The following PRKCB variants were observed in gnomAD, a reference collection of about 807,000 sequenced individuals.
PRKCB encodes the protein protein kinase C beta type.
Under a neutral mutation model 81.5 loss-of-function variants are expected in PRKCB, and 13 were observed. The ratio of observed to expected loss-of-function variants is 0.16; its 90% CI spans 0.10 to 0.25. The LOEUF is 0.25. Among genes scored for constraint, PRKCB ranks in the 10% least tolerant of loss-of-function variants. PRKCB has a pLI of 1.00. For synonymous variants in PRKCB, 335 were observed against 321.4 expected (o/e 1.04, Z -0.45); for missense variants, 509 against 875.7 (o/e 0.58, Z 5.29).
At chr16:24,179,313 A>G (rs1967582970) in intron 12 of PRKCB, among the ~76,000 whole-genome samples, 1 of 152,212 alleles carries the variant, frequency 6.6e-6, no homozygotes, top group South Asian at 2.1e-4. Flanking sequence ...GAAGAATTGA[A>G]GGAGGGTGGT....
At chr16:23,945,783 A>G (rs2141772703) in intron 2 of PRKCB, among the ~76,000 whole-genome samples, 1 of 152,274 alleles carries the variant, frequency 6.6e-6, no homozygotes, top group Non-Finnish European at 1.5e-5. Context: ...AAAACAAACA[A>G]TGAACAACCC....
intron 5 of PRKCB, among the ~76,000 whole-genome samples, chr16:24,037,913 C>G (rs1396729093): frequency 2.0e-5 from 3 of 151,542 alleles, no homozygotes. Flanking sequence ...ATAGGCCAGG[C>G]ACAGTGGCTC....
In PRKCB at chr16:23,871,203, A is replaced by G. The variant is rs972606558; in HGVS notation, c.205+33797A>G. 2.9e-4 allele frequency among the ~76,000 whole-genome samples: 44 copies of G among 152,194 alleles called. 1 individual carries two copies. Among genetic ancestry groups the G allele is most frequent in the Admixed American group, 2.0e-4 (3 of 15,280 alleles). Reference sequence around the variant, plus strand: ...TCTCTTATGGAGAGAGTCACATAGCAAGGGTGTGGCTCTAGGGAGGAATGA... The same window carrying G: ...TCTCTTATGGAGAGAGTCACATAGCGAGGGTGTGGCTCTAGGGAGGAATGA... On this transcript the variant is annotated intron_variant, in intron 2 of 16. Coordinates refer to ENST00000643927, the MANE Select transcript of PRKCB (RefSeq NM_002738.7).
chr16:23,969,430 G>T (rs1023408239), intron 2 of PRKCB, among the ~76,000 whole-genome samples: 1 of 152,086 alleles, frequency 6.6e-6, no homozygotes. Context: ...TGAGACTCAC[G>T]CATGCATGTG....
At chr16:24,038,211 C>A (rs556518516) in intron 5 of PRKCB, among the ~76,000 whole-genome samples, 1 of 151,554 alleles carries the variant, frequency 6.6e-6, no homozygotes, top group East Asian at 2.0e-4. Context: ...AACAAACAAA[C>A]AAAAAAGGCC....
intron 2 of PRKCB, among the ~76,000 whole-genome samples, chr16:23,907,281 A>G (rs1963575315): frequency 6.6e-6 from 1 of 152,188 alleles, no homozygotes; most frequent in African/African-American, 2.4e-5. Context: ...CAGACCTCCC[A>G]TCCATTTCTT....
rs113354788 is a variant in PRKCB at position 24,219,093 on chromosome 16, C to G, written c.*4277C>G. 4 of 985,338 alleles carry G rather than the reference C, an allele frequency of 4.1e-6. No individual in the cohort carries two copies. Among genetic ancestry groups the G allele is most frequent in the South Asian group, 9.4e-5 (2 of 21,288 alleles). 61.0% of individuals were successfully genotyped at this position (985,338 alleles called of 1,614,324 possible). ...ACCCTGAAGAGGTCGGAGCATCATA[C>G]AGATTCCTTTATTAGCCCACATTCT... On this transcript the variant is annotated 3_prime_UTR_variant, in exon 17 of 17. Coordinates refer to ENST00000643927, the MANE Select transcript of PRKCB (RefSeq NM_002738.7).
At chr16:24,073,087 T>G (rs539399266) in intron 5 of PRKCB, among the ~76,000 whole-genome samples, 7 of 152,362 alleles carry the variant, frequency 4.6e-5, no homozygotes, top group African/African-American at 1.7e-4. Context: ...TAGTTTCTTC[T>G]CCAAGAGCCC....
At chr16:24,115,762 G>C (rs1470157765) in intron 8 of PRKCB, among the ~76,000 whole-genome samples, 2 of 152,070 alleles carry the variant, frequency 1.3e-5, no homozygotes, top group Non-Finnish European at 2.9e-5. Context: ...GTCTTTCTCT[G>C]TCACCCAGGC....
chr16:23,869,717 CAG>C (rs1162915660), intron 2 of PRKCB, among the ~76,000 whole-genome samples: 2 of 152,110 alleles, frequency 1.3e-5, no homozygotes, highest in African/African-American at 2.4e-5. Context: ...AATAGAAAAA[CAG>C]TGTCATCACA....
At chr16:24,093,231 A>G (rs1431864175) in intron 6 of PRKCB, among the ~76,000 whole-genome samples, 1 of 152,132 alleles carries the variant, frequency 6.6e-6, no homozygotes, top group African/African-American at 2.4e-5. Flanking sequence ...TGTGTTGCTA[A>G]GTGAAGGCAA....
intron 16 of PRKCB, among the ~76,000 whole-genome samples, chr16:24,197,283 G>A (rs1967893589): frequency 6.6e-6 from 1 of 152,314 alleles, no homozygotes; most frequent in South Asian, 2.1e-4. Context: ...CCAGGTCAGG[G>A]AGATGTCCTT....
intron 8 of PRKCB, among the ~76,000 whole-genome samples, chr16:24,117,145 A>G (rs1299629752): frequency 6.7e-6 from 1 of 149,314 alleles, no homozygotes; most frequent in Non-Finnish European, 1.5e-5. Context: ...GACCTTGAAC[A>G]TGAGAAATGT....
chr16:24,037,711 G>A (rs927082507), intron 5 of PRKCB, among the ~76,000 whole-genome samples: 1 of 152,056 alleles, frequency 6.6e-6, no homozygotes. Context: ...CAAGGTCAAA[G>A]TCTTCCCCCT....
intron 3 of PRKCB, among the ~76,000 whole-genome samples, chr16:24,014,160 T>G (rs1965242865): frequency 6.6e-6 from 1 of 152,158 alleles, no homozygotes. Context: ...GGCAGCGGCT[T>G]TGCAAGTTGA....
chr16:24,156,193 G>A (rs73550945), intron 10 of PRKCB, among the ~76,000 whole-genome samples: 4,720 of 152,226 alleles, frequency 0.031, 259 homozygotes, highest in African/African-American at 0.11. Flanking sequence ...GAGAAAGGCA[G>A]GATAAATGCT....
intron 9 of PRKCB, among the ~76,000 whole-genome samples, chr16:24,152,936 C>T (rs1481013365): frequency 6.6e-6 from 1 of 152,032 alleles, no homozygotes; most frequent in Non-Finnish European, 1.5e-5. Context: ...TAAGGTGTCC[C>T]AAATCCCTGC....
At position 24,158,005 on chromosome 16, in the gene PRKCB, C is replaced by T. The variant is rs765441214; in HGVS notation, c.1239+3148C>T. On this transcript the variant is annotated intron_variant, in intron 10 of 16. Coordinates refer to ENST00000643927, the MANE Select transcript of PRKCB (RefSeq NM_002738.7). The stretch of plus-strand genomic sequence containing the variant: ...GAGACCAATGCAGAATCTCCCCAAC[C>T]GACAAGTCCAAGGATGGAACAGATT... Among the ~76,000 whole-genome samples, 158 of 152,164 alleles carry T rather than the reference C, an allele frequency of 1.0e-3. 2 individuals carry two copies. Among genetic ancestry groups the T allele is most frequent in the Non-Finnish European group, 2.5e-4 (17 of 68,030 alleles).
At chr16:23,843,119 A>C (rs1400519029) in intron 2 of PRKCB, among the ~76,000 whole-genome samples, 1 of 152,244 alleles carries the variant, frequency 6.6e-6, no homozygotes, top group Non-Finnish European at 1.5e-5. Flanking sequence ...ATGTGTATTT[A>C]TATAACAAAA....
Sources: gnomAD v4.1 joint callset for allele counts (sites outside exome capture counted in the v4.1 genomes callset) on GRCh38, gnomAD v4.1.1 for gene constraint, MANE v1.5 for transcripts, NCBI Gene and HGNC (gene_info 2026-07-23, HGNC 2026-07-21) for gene names.